Variants in NT5DC1 observed in about 807,000 individuals in gnomAD.
NT5DC1 encodes the protein 5'-nucleotidase domain containing 1, also known as 5'-nucleotidase domain-containing protein 1.
In NT5DC1, 42 loss-of-function variants were observed where a neutral mutation model predicts 59.4. That is an observed-to-expected ratio of 0.71 (90% CI 0.55 to 0.92). The LOEUF (loss-of-function observed/expected upper bound fraction) is 0.92. Among genes scored for constraint, NT5DC1 ranks in the 40% least tolerant of loss-of-function variants. The pLI is 0.00. For missense variants in NT5DC1, 501 were observed against 537.1 expected (o/e 0.93, Z 0.66); for synonymous variants, 172 against 188.1 (o/e 0.91, Z 0.70).
At chr6:116,208,721 T>G (rs1005287246) in intron 6 of NT5DC1, among the ~76,000 whole-genome samples, 1 of 152,038 alleles carries the variant, frequency 6.6e-6, no homozygotes, top group African/African-American at 2.4e-5. Flanking sequence ...ACCCTGCGAT[T>G]GCTCTTTTAA....
At chr6:116,217,228 C>T (rs1781703121) in intron 6 of NT5DC1, among the ~76,000 whole-genome samples, 1 of 152,100 alleles carries the variant, frequency 6.6e-6, no homozygotes, top group African/African-American at 2.4e-5. Flanking sequence ...GTATTCAGGC[C>T]ATTTGATGTG....
At chr6:116,209,327 T>TTTA (rs1189460912) in intron 6 of NT5DC1, among the ~76,000 whole-genome samples, 1 of 151,982 alleles carries the variant, frequency 6.6e-6, no homozygotes, top group Admixed American at 6.6e-5. Flanking sequence ...ACCTCTGGTC[T>TTTA]TTATGGTCAC....
At chr6:116,195,515 AG>A (rs1425675271) in intron 6 of NT5DC1, among the ~76,000 whole-genome samples, 32 of 152,070 alleles carry the variant, frequency 2.1e-4, no homozygotes, top group Non-Finnish European at 7.4e-5. Flanking sequence ...AGTTCAATAC[AG>A]GGATTCCAAT....
chr6:116,199,994 GA>G (rs1208300302), intron 6 of NT5DC1, among the ~76,000 whole-genome samples: 1 of 91,340 alleles, frequency 1.1e-5, no homozygotes, highest in African/African-American at 7.7e-5. Flanking sequence ...GTACAGTATG[GA>G]AAGTGGGGGG....
In NT5DC1 at chr6:116,190,127, A is replaced by G. The variant is rs369455606; in HGVS notation, c.530-30927A>G. On this transcript the variant is annotated intron_variant, in intron 6 of 11. Coordinates refer to ENST00000319550, the MANE Select transcript of NT5DC1 (RefSeq NM_152729.3). ...GAGCTTGTAGTGGATATTACATAAG[A>G]TGTAATATCTATATCATACCTGTTA... 6.3e-4 allele frequency among the ~76,000 whole-genome samples: 96 copies of G among 152,062 alleles called. 1 individual carries two copies. In the South Asian group the frequency reaches 0.019, roughly 31 times the overall value.
chr6:116,196,118 A>G (rs1469572382), intron 6 of NT5DC1, among the ~76,000 whole-genome samples: 1 of 152,020 alleles, frequency 6.6e-6, no homozygotes, highest in Non-Finnish European at 1.5e-5. Context: ...TGCTATCCAC[A>G]AGAGTGAGAT....
intron 6 of NT5DC1, among the ~76,000 whole-genome samples, chr6:116,141,343 C>T (rs1779759099): frequency 6.6e-6 from 1 of 151,462 alleles, no homozygotes; most frequent in African/African-American, 2.4e-5. Flanking sequence ...ATATGTGTTG[C>T]AGATACTTCC....
intron 6 of NT5DC1, among the ~76,000 whole-genome samples, chr6:116,127,905 GC>G (rs901660765): frequency 7.2e-5 from 11 of 152,062 alleles, no homozygotes; most frequent in African/African-American, 2.2e-4. Flanking sequence ...AATTTTCAGA[GC>G]CTTTCACTTT....
At position 116,117,875 on chromosome 6, in the gene NT5DC1, A is replaced by G. The variant is rs1778998601; in HGVS notation, c.459A>G (p.Gln153=). 1.9e-6 allele frequency: 3 copies of G among 1,567,710 alleles called. No individual in the cohort carries two copies. The highest frequency in any genetic ancestry group is 2.6e-6 in the Non-Finnish European group (3 of 1,140,978). ...TATTTTTTCAGCTGAACAATGGTCA[A>G]AAAACATTTGATTTTTGGAAGGATA... ...VDYLTKLNNG[Q]KTFDFWKDIV... is the part of the protein sequence containing the mutation. Residue 153 remains glutamine, a synonymous_variant, in exon 6 of 12, where the codon CAA becomes CAG. Coordinates refer to ENST00000319550, the MANE Select transcript of NT5DC1 (RefSeq NM_152729.3).
At chr6:116,159,245 T>G (rs7741037) in intron 6 of NT5DC1, among the ~76,000 whole-genome samples, 1 of 152,190 alleles carries the variant, frequency 6.6e-6, no homozygotes, top group Non-Finnish European at 1.5e-5. Context: ...TTACTCCTTT[T>G]AAAAATTGAT....
rs60683042 is a variant in NT5DC1, at chr6:116,172,067, A to T, written c.530-48987A>T. Reference sequence around the variant, plus strand: ...CACTCTCACTTCCATCCACACATCTATGGTTTCAGTGTTTTTTCCATCTGT... The same window carrying T: ...CACTCTCACTTCCATCCACACATCTTTGGTTTCAGTGTTTTTTCCATCTGT... On this transcript the variant is annotated intron_variant, in intron 6 of 11. Coordinates refer to ENST00000319550, the MANE Select transcript of NT5DC1 (RefSeq NM_152729.3). Among the ~76,000 whole-genome samples the T allele has an allele frequency of 5.7e-3, 867 of 152,268 alleles. 17 individuals are homozygous for T. The highest frequency in any genetic ancestry group is 0.046 in the South Asian group (223 of 4,830).
chr6:116,135,876 C>G (rs1554194630), intron 6 of NT5DC1, among the ~76,000 whole-genome samples: 1 of 119,798 alleles, frequency 8.3e-6, no homozygotes, highest in Non-Finnish European at 1.8e-5. Context: ...TATATATACA[C>G]ACATACACAC....
rs1582887238 is a variant in NT5DC1 at position 116,237,081 on chromosome 6, C to G, written c.918C>G (p.Pro306=). The change falls in exon 9 of 12, where the codon CCC becomes CCG. Residue 306 remains proline, a synonymous_variant. Transcript: ENST00000319550. ...AGAAAATGACTGGCAAACCTGAACCCAAGGTATTTCCCAGTTGAGGAGAAG... is the reference window on the plus strand; with the variant it reads ...AGAAAATGACTGGCAAACCTGAACCGAAGGTATTTCCCAGTTGAGGAGAAG... ...LLKKMTGKPE[P]KVVYFGDSMH... The G allele has an allele frequency of 3.2e-6, 5 of 1,586,408 alleles. No homozygotes were observed. The East Asian group carries it at 1.1e-4, about 35-fold the overall frequency.
chr6:116,235,035 G>GT (rs60150533), intron 8 of NT5DC1, among the ~76,000 whole-genome samples: 2,029 of 131,764 alleles, frequency 0.015, 25 homozygotes, highest in Non-Finnish European at 0.024. Flanking sequence ...CTTGATTTGG[G>GT]TTTTTTTTTT....
At chr6:116,209,302 G>A (rs1200527218) in intron 6 of NT5DC1, among the ~76,000 whole-genome samples, 1 of 151,856 alleles carries the variant, frequency 6.6e-6, no homozygotes, top group Non-Finnish European at 1.5e-5. Flanking sequence ...TTAGCTTGTG[G>A]GCTGTGGTTT....
At chr6:116,177,124 A>G (rs1201548074) in intron 6 of NT5DC1, among the ~76,000 whole-genome samples, 1 of 152,200 alleles carries the variant, frequency 6.6e-6, no homozygotes, top group Non-Finnish European at 1.5e-5. Context: ...AGTGTCTCAT[A>G]GAGTGAATTG....
chr6:116,121,471 GCCAGATGGTCCTGTGGGAC>G, intron 6 of NT5DC1: 1 of 1,614,060 alleles, frequency 6.2e-7, no homozygotes, highest in Non-Finnish European at 8.5e-7. Flanking sequence ...CTCCAGGAGG[GCCAGATGGTCCTGTGGGAC>G]CCTGAGGGCC....
intron 1 of NT5DC1, among the ~76,000 whole-genome samples, chr6:116,101,552 C>T (rs1359772451): frequency 6.6e-6 from 1 of 152,182 alleles, no homozygotes; most frequent in Non-Finnish European, 1.5e-5. Flanking sequence ...TTGAAAGGAA[C>T]ACTAGTTGAA....
chr6:116,238,722 G>C (rs1294845933), intron 10 of NT5DC1, among the ~76,000 whole-genome samples: 1 of 152,072 alleles, frequency 6.6e-6, no homozygotes, highest in Non-Finnish European at 1.5e-5. Context: ...GTTTGGGCTA[G>C]TTTTCAGATA....
Sources: allele counts gnomAD v4.1 joint callset (sites outside exome capture counted in the v4.1 genomes callset), GRCh38; gene constraint gnomAD v4.1.1; transcripts MANE v1.5; gene names NCBI Gene and HGNC (gene_info 2026-07-23, HGNC 2026-07-21).